Variants in MIGA1 observed in about 807,000 individuals in gnomAD.
MIGA1 encodes the protein mitoguardin 1, also known as family with sequence similarity 73, member A.
In MIGA1, 58 loss-of-function variants were observed where a neutral mutation model predicts 82.0. The observed-to-expected ratio is 0.71, with a 90% CI of 0.57 to 0.88. MIGA1 has a LOEUF of 0.88. MIGA1 is among the 40% of genes least tolerant of loss of function. The pLI is 0.00. For synonymous variants in MIGA1, 249 were observed against 253.6 expected (o/e 0.98, Z 0.17); for missense variants, 751 against 749.1 (o/e 1.00, Z -0.03).
intron 8 of MIGA1, chr1:77,847,594 A>G: frequency 6.5e-7 from 1 of 1,534,906 alleles, no homozygotes; most frequent in South Asian, 1.1e-5. Context: ...AAAAAACTGC[A>G]AGAGAGAGCT....
intron 7 of MIGA1, among the ~76,000 whole-genome samples, chr1:77,832,930 A>G (rs1188195496): frequency 6.6e-6 from 1 of 152,224 alleles, no homozygotes; most frequent in Non-Finnish European, 1.5e-5. Flanking sequence ...CTTTAAGGGA[A>G]AATTAGAGAT....
At chr1:77,837,932 G>C (rs1409965545) in intron 7 of MIGA1, among the ~76,000 whole-genome samples, 1 of 152,126 alleles carries the variant, frequency 6.6e-6, no homozygotes, top group East Asian at 1.9e-4. Context: ...TTTGAATCTA[G>C]CATCATTATA....
rs199636051 is a variant in MIGA1, at chr1:77,860,132, C to T, written c.1275+6C>T. On this transcript the variant is annotated splice_donor_region_variant and intron_variant, in intron 11 of 15. Transcript: ENST00000370791. The stretch of plus-strand genomic sequence containing the variant: ...TAATTGTGAAAGCACGAAAGGTAAA[C>T]TTGTTCTGTTGGCAAGATTTTTACC... The T allele has an allele frequency of 2.0e-4, 324 of 1,595,288 alleles. No homozygotes were observed. The highest frequency in any genetic ancestry group is 1.7e-4 in the Middle Eastern group (1 of 6,020).
In MIGA1 at chr1:77,878,870, T is replaced by G. The variant is rs1365964443; in HGVS notation, c.*3806T>G. The G allele has an allele frequency of 2.7e-6, 1 of 364,678 alleles. No individual in the cohort carries two copies. The highest frequency in any genetic ancestry group is 4.9e-6 in the Non-Finnish European group (1 of 203,070). The allele number at this position is 364,678 out of a possible 1,614,324, so 22.6% of individuals were successfully genotyped here. On this transcript the variant is annotated 3_prime_UTR_variant, in exon 16 of 16. Coordinates refer to ENST00000370791, the MANE Select transcript of MIGA1 (RefSeq NM_198549.4). ...ACTTTGTCTTTCTCATAAAGTAATA[T>G]TCTTTATTTGCATCCATTTACTATG...
intron 8 of MIGA1, among the ~76,000 whole-genome samples, chr1:77,845,484 T>C (rs1229059196): frequency 6.6e-6 from 1 of 152,170 alleles, no homozygotes; most frequent in Non-Finnish European, 1.5e-5. Flanking sequence ...TTTAAATTTA[T>C]TGTTTAATAA....
intron 2 of MIGA1, among the ~76,000 whole-genome samples, chr1:77,787,299 T>G (rs1682206289): frequency 6.6e-6 from 1 of 152,190 alleles, no homozygotes; most frequent in African/African-American, 2.4e-5. Flanking sequence ...TGATTTGTAT[T>G]TCCCTGATGA....
Position 77,848,475 on chromosome 1 carries a change from A to G in MIGA1, c.996+5068A>G, listed in dbSNP as rs139670982. On this transcript the variant is annotated intron_variant, in intron 8 of 15. Transcript: ENST00000370791. ...AGAAGTAAGTGTTTGATCTTCAGAA[A>G]GAAATCTTCAGAAAGGAAAGCAGCC... 7.3e-4 allele frequency: 735 copies of G among 1,006,312 alleles called. 13 individuals are homozygous for G. In the East Asian group the frequency reaches 0.013, roughly 18 times the overall value. 62.3% of individuals were successfully genotyped at this position (1,006,312 alleles called of 1,614,324 possible).
At chr1:77,844,396 A>G (rs1684760146) in intron 8 of MIGA1, among the ~76,000 whole-genome samples, 1 of 151,934 alleles carries the variant, frequency 6.6e-6, no homozygotes, top group South Asian at 2.1e-4. Context: ...TGTAAAAAGG[A>G]AACAAACGTG....
intron 14 of MIGA1, among the ~76,000 whole-genome samples, chr1:77,869,970 C>T (rs1685873651): frequency 7.2e-6 from 1 of 139,430 alleles, no homozygotes; most frequent in African/African-American, 2.7e-5. Context: ...GGGGCTGACC[C>T]CCCCACCTCC....
Position 77,813,843 on chromosome 1 carries a change from T to A in MIGA1, c.747T>A (p.Asp249Glu), listed in dbSNP as rs767881348. ...GTTCCATTAAACTGGGTGCAGGAGATGCCATTGCTGAAGAAAATGTAGATG... is the reference window on the plus strand; with the variant it reads ...GTTCCATTAAACTGGGTGCAGGAGAAGCCATTGCTGAAGAAAATGTAGATG... The change falls in exon 6 of 16, where the codon GAT (aspartate) becomes GAA (glutamate). Residue 249 changes from aspartate (D) to glutamate (E), a missense_variant. Coordinates refer to ENST00000370791, the MANE Select transcript of MIGA1 (RefSeq NM_198549.4). 6 of 1,614,194 alleles carry A rather than the reference T, an allele frequency of 3.7e-6. No homozygotes were observed. The highest frequency in any genetic ancestry group is 1.3e-5 in the African/African-American group (1 of 75,068).
intron 7 of MIGA1, among the ~76,000 whole-genome samples, chr1:77,819,156 T>A (rs1183148509): frequency 6.6e-6 from 1 of 151,584 alleles, no homozygotes; most frequent in Non-Finnish European, 1.5e-5. Context: ...ATACCTATCA[T>A]CCCTATTTTT....
Position 77,837,507 on chromosome 1 carries a change from A to G in MIGA1, c.896-5800A>G, listed in dbSNP as rs1401562173. ...TCTGTTCCTTAGATTCCTGATACAT[A>G]AAATGAGAAAACTAATAGTATCTAC... On this transcript the variant is annotated intron_variant, in intron 7 of 15. Coordinates refer to ENST00000370791, the MANE Select transcript of MIGA1 (RefSeq NM_198549.4). 2.0e-5 allele frequency among the ~76,000 whole-genome samples: 3 copies of G among 152,212 alleles called. No individual in the cohort carries two copies. In the East Asian group the frequency reaches 5.8e-4, roughly 29 times the overall value.
At chr1:77,823,207 A>C (rs1359801013) in intron 7 of MIGA1, among the ~76,000 whole-genome samples, 1 of 151,470 alleles carries the variant, frequency 6.6e-6, no homozygotes, top group Admixed American at 6.6e-5. Flanking sequence ...AATGATGTCT[A>C]TTCTCCTTTT....
In MIGA1 at chr1:77,801,335, A is replaced by G. The variant is rs377751209; in HGVS notation, c.200A>G (p.Lys67Arg). 4.8e-5 allele frequency: 74 copies of G among 1,549,776 alleles called. No homozygotes were observed. Among genetic ancestry groups the G allele is most frequent in the South Asian group, 3.4e-4 (27 of 80,420 alleles). ...TTTTAACTGAATCTTTTCCAGATCA[A>G]ATTTTCTCCGGTGGCTAAAAAGTTG... The change falls in exon 3 of 16, where the codon AAA (lysine) becomes AGA (arginine). Residue 67 changes from lysine (K) to arginine (R), a missense_variant. Transcript: ENST00000370791.
intron 2 of MIGA1, among the ~76,000 whole-genome samples, chr1:77,785,364 A>T (rs1301042714): frequency 6.0e-5 from 9 of 148,792 alleles, no homozygotes; most frequent in Non-Finnish European, 1.2e-4. Flanking sequence ...TTTTTTTGAG[A>T]GGGAGTTTGG....
At chr1:77,810,510 T>C (rs1372910038) in intron 5 of MIGA1, among the ~76,000 whole-genome samples, 1 of 151,386 alleles carries the variant, frequency 6.6e-6, no homozygotes, top group Non-Finnish European at 1.5e-5. Flanking sequence ...CACATTCTTA[T>C]TGCTGTATTA....
intron 8 of MIGA1, chr1:77,848,622 A>G (rs1242280189): frequency 1.3e-6 from 2 of 1,514,442 alleles, no homozygotes; most frequent in African/African-American, 2.8e-5. Flanking sequence ...CACTGGGAGC[A>G]AAACACAGAC....
intron 2 of MIGA1, among the ~76,000 whole-genome samples, chr1:77,798,081 C>A (rs771690004): frequency 1.3e-5 from 2 of 152,162 alleles, no homozygotes; most frequent in African/African-American, 2.4e-5. Flanking sequence ...AAAATAAATA[C>A]CCTTTATCAG....
At chr1:77,869,864 G>A (rs1685860067) in intron 14 of MIGA1, among the ~76,000 whole-genome samples, 1 of 119,152 alleles carries the variant, frequency 8.4e-6, no homozygotes, top group Admixed American at 7.5e-5. Context: ...CAGGCGGGGG[G>A]CTGATCCCCC....
Sources: allele counts gnomAD v4.1 joint callset (sites outside exome capture counted in the v4.1 genomes callset), GRCh38; gene constraint gnomAD v4.1.1; transcripts MANE v1.5; gene names NCBI Gene and HGNC (gene_info 2026-07-23, HGNC 2026-07-21).